ANKRD11: variants seen among roughly 807,000 people sequenced by gnomAD.
ANKRD11 encodes ankyrin repeat domain 11.
Under a neutral mutation model 195.7 loss-of-function variants are expected in ANKRD11, and 17 were observed. The ratio of observed to expected loss-of-function variants is 0.09; its 90% CI spans 0.06 to 0.13. ANKRD11 has a LOEUF of 0.13. Ranked by LOEUF, ANKRD11 falls within the 10% of genes least tolerant of loss-of-function variation. ANKRD11 has a pLI of 1.00. For missense variants in ANKRD11, 3,735 were observed against 3,566.1 expected (o/e 1.05, Z -1.21); for synonymous variants, 1,953 against 1,528.1 (o/e 1.28, Z -6.49).
chr16:89,284,209 TTCTC>T lies in ANKRD11; in HGVS notation c.2329_2332del (p.Glu777ArgfsTer5), dbSNP rs2034485034. On this transcript the variant is annotated frameshift_variant, in exon 9 of 13. Transcript: ENST00000301030. LOFTEE classifies it high-confidence loss of function. ...TTTGTCCTCTTTTAAATCATTCTTC[TTCTC>T]TAATTTTGAGGGCCGGTCTTTTGAT... 6.2e-7 allele frequency: 1 copy of T among 1,612,210 alleles called. No individual in the cohort carries two copies. The highest frequency in any genetic ancestry group is 8.5e-7 in the Non-Finnish European group (1 of 1,179,674).
intron 2 of ANKRD11, among the ~76,000 whole-genome samples, chr16:89,366,770 C>A (rs1212652398): frequency 1.3e-5 from 2 of 152,190 alleles, no homozygotes. Context: ...TATGGGTACA[C>A]CAAGTCCCAC....
At chr16:89,405,581 G>A (rs973795849) in intron 2 of ANKRD11, among the ~76,000 whole-genome samples, 1 of 145,574 alleles carries the variant, frequency 6.9e-6, no homozygotes, top group Non-Finnish European at 1.5e-5. Flanking sequence ...CAATCCTCCC[G>A]CCTCAGCCTC....
chr16:89,279,661 G>A lies in ANKRD11; in HGVS notation c.6881C>T (p.Thr2294Ile). 6.9e-6 allele frequency: 10 copies of A among 1,446,758 alleles called. No homozygotes were observed. The highest frequency in any genetic ancestry group is 8.1e-6 in the Non-Finnish European group (9 of 1,105,658). The allele number at this position is 1,446,758 out of a possible 1,614,324, so 89.6% of individuals were successfully genotyped here. Residue 2294 changes from threonine (T) to isoleucine (I), a missense_variant, in exon 9 of 13, where the codon ACT (threonine) becomes ATT (isoleucine). Transcript: ENST00000301030. This position sits in a 1 kb window ranked among gnomAD's most constrained non-coding sequence, Gnocchi z 5.6. ...AADGAGPEDDTEASRAAAPAE... is the reference protein window; with the variant it reads ...AADGAGPEDDIEASRAAAPAE... ...TGGGGCGGCGGCACGGGAGGCCTCA[G>A]TGTCGTCCTCGGGGCCGGCACCGTC...
At chr16:89,458,298 C>T (rs1404962878) in intron 1 of ANKRD11, among the ~76,000 whole-genome samples, 4 of 151,918 alleles carry the variant, frequency 2.6e-5, no homozygotes, top group African/African-American at 9.7e-5. Context: ...GATCTCCGCT[C>T]ACTGCAAGCT....
Position 89,285,659 on chromosome 16 carries a change from G to A in ANKRD11, c.893-10C>T, listed in dbSNP as rs1256237683. On this transcript the variant is annotated splice_polypyrimidine_tract_variant and intron_variant, in intron 8 of 12. Transcript: ENST00000301030. The surrounding 1 kb of genome is among the most constrained non-coding windows in gnomAD (Gnocchi z 5.6). ...TCCTCTTCTGAGCTCTCTGTTGGAG[G>A]TAGGAAGCGAGAGGTCACAGGCAGG... 2.5e-6 allele frequency: 4 copies of A among 1,613,958 alleles called. No homozygotes were observed. The Admixed American group carries it at 6.7e-5, about 27-fold the overall frequency.
chr16:89,461,467 G>A (rs1170491800), intron 1 of ANKRD11, among the ~76,000 whole-genome samples: 2 of 152,102 alleles, frequency 1.3e-5, no homozygotes, highest in African/African-American at 4.8e-5. Context: ...TCAGCCTCCT[G>A]AGGAGCTGGG....
chr16:89,420,204 G>A (rs2042454540), intron 1 of ANKRD11: 2 of 152,238 alleles, frequency 1.3e-5, no homozygotes, highest in African/African-American at 4.8e-5. Flanking sequence ...AGCTCAGAGA[G>A]GGGAAGAGCA....
intron 2 of ANKRD11, among the ~76,000 whole-genome samples, chr16:89,369,289 C>T (rs542100836): frequency 2.0e-5 from 3 of 152,326 alleles, no homozygotes; most frequent in South Asian, 2.1e-4. Flanking sequence ...CACGTCTCCA[C>T]GACACTCGCA....
intron 2 of ANKRD11, among the ~76,000 whole-genome samples, chr16:89,344,163 G>A (rs1224414836): frequency 6.6e-6 from 1 of 152,198 alleles, no homozygotes; most frequent in East Asian, 1.9e-4. Flanking sequence ...GCACACACGG[G>A]CAACCCTGGC....
intron 2 of ANKRD11, among the ~76,000 whole-genome samples, chr16:89,371,063 G>A (rs1193730925): frequency 6.6e-6 from 1 of 152,182 alleles, no homozygotes; most frequent in African/African-American, 2.4e-5. Context: ...AAGGGGACTT[G>A]TTCAGGTGAG....
At chr16:89,390,088 C>CTG (rs1471228957) in intron 2 of ANKRD11, among the ~76,000 whole-genome samples, 3 of 50,460 alleles carry the variant, frequency 5.9e-5, no homozygotes. Flanking sequence ...GCGGGGAGCA[C>CTG]AGACAGAGAA....
At chr16:89,305,030 G>T in intron 4 of ANKRD11, 176 bp downstream of exon 4, 1 of 955,364 alleles carries the variant, frequency 1.0e-6, no homozygotes, top group East Asian at 2.6e-5. Flanking sequence ...GGGTGCAAAG[G>T]AGGTGGCATG....
chr16:89,338,726 CAAAAAA>C (rs34799616), intron 2 of ANKRD11, among the ~76,000 whole-genome samples: 2 of 43,812 alleles, frequency 4.6e-5, no homozygotes, highest in South Asian at 1.4e-3. Flanking sequence ...CACTCAGTCT[CAAAAAA>C]AAAAAAAAAA....
At chr16:89,477,350 G>A (rs371598789) in intron 1 of ANKRD11, among the ~76,000 whole-genome samples, 1 of 151,626 alleles carries the variant, frequency 6.6e-6, no homozygotes, top group Non-Finnish European at 1.5e-5. Flanking sequence ...GGGCCACCAC[G>A]CGTAATTTCT....
In ANKRD11 at chr16:89,288,518, G is replaced by T. The variant is rs776548701; in HGVS notation, c.744+10C>A. 18 of 1,613,976 alleles carry T rather than the reference G, an allele frequency of 1.1e-5. No individual in the cohort carries two copies. In the South Asian group the frequency reaches 1.9e-4, roughly 17 times the overall value. ...CAGGCCGGATGTGTGAAGAACGGGG[G>T]GATGCCAACCTTGTAGTGCCCGTTG... On this transcript the variant is annotated intron_variant, in intron 7 of 12. Transcript: ENST00000301030.
At chr16:89,415,829 C>CAAAAAAAAAAAAAACAAAAA (rs2042278615) in intron 2 of ANKRD11, among the ~76,000 whole-genome samples, 1 of 39,744 alleles carries the variant, frequency 2.5e-5, no homozygotes, top group Admixed American at 3.4e-4. Flanking sequence ...GACTCTGTCT[C>CAAAAAAAAAAAAAACAAAAA]AAAAAAAAAA....
At chr16:89,348,873 TAA>T (rs754111553) in intron 2 of ANKRD11, among the ~76,000 whole-genome samples, 8 of 130,378 alleles carry the variant, frequency 6.1e-5, no homozygotes, top group Admixed American at 7.7e-5. Flanking sequence ...TTATTGTCTT[TAA>T]AAAAAAAAAA....
In ANKRD11 at chr16:89,281,570, T is replaced by G. The variant is rs1238546281; in HGVS notation, c.4972A>C (p.Thr1658Pro). Residue 1658 changes from threonine to proline, a missense_variant, in exon 9 of 13, where the codon ACT becomes CCT. Physicochemically the swap from Thr to Pro is conservative, Grantham distance 38. Coordinates refer to ENST00000301030, the MANE Select transcript of ANKRD11 (RefSeq NM_013275.6). This position sits in a 1 kb window ranked among gnomAD's most constrained non-coding sequence, Gnocchi z 5.5. ...PFKDKKLKESTPIPPAAENKL... is the reference protein window; with the variant it reads ...PFKDKKLKESPPIPPAAENKL... The stretch of plus-strand genomic sequence containing the variant: ...TTTTCCGCGGCAGGTGGAATAGGAG[T>G]CGACTCTTTGAGCTTTTTGTCTTTA... 6.2e-7 allele frequency: 1 copy of G among 1,613,968 alleles called. No homozygotes were observed. The highest frequency in any genetic ancestry group is 1.7e-5 in the Admixed American group (1 of 60,012).
In ANKRD11 at chr16:89,282,875, T is replaced by C. The variant is rs765528199; in HGVS notation, c.3667A>G (p.Arg1223Gly). 5.6e-6 allele frequency: 9 copies of C among 1,612,964 alleles called. No individual in the cohort carries two copies. The South Asian group carries it at 8.8e-5, about 16-fold the overall frequency. Reference protein sequence around the residue: ...STEKYKDRKDRASVDSTQDKK... With the variant: ...STEKYKDRKDGASVDSTQDKK... ...TCTTGCGTGGAGTCCACTGAGGCTC[T>C]GTCCTTCCTGTCCTTGTACTTTTCT... is the stretch of plus-strand genomic sequence containing the variant. Residue 1223 changes from arginine to glycine, a missense_variant, in exon 9 of 13, where the codon AGA becomes GGA. Physicochemically the swap from Arg to Gly is moderately radical, Grantham distance 125. Coordinates refer to ENST00000301030, the MANE Select transcript of ANKRD11 (RefSeq NM_013275.6).
Sources: gnomAD v4.1 joint callset for allele counts (sites outside exome capture counted in the v4.1 genomes callset) on GRCh38, gnomAD v4.1.1 for gene constraint, Gnocchi (gnomAD v3.1) non-coding constraint, MANE v1.5 for transcripts, NCBI Gene and HGNC (gene_info 2026-07-23, HGNC 2026-07-21) for gene names.